ESF1: variants seen among roughly 807,000 people sequenced by gnomAD.
The protein encoded by ESF1 is ESF1 nucleolar pre-rRNA processing protein.
A neutral mutation model predicts 92.0 loss-of-function variants in ESF1; 58 were observed. The observed-to-expected ratio is 0.63, with a 90% CI of 0.51 to 0.78. The LOEUF is 0.78. Among genes scored for constraint, ESF1 ranks in the 30% least tolerant of loss-of-function variants. The pLI is 0.00. For missense variants in ESF1, 922 were observed against 989.1 expected (o/e 0.93, Z 0.91); for synonymous variants, 321 against 313.7 (o/e 1.02, Z -0.24).
chr20:13,765,658 G>A (rs1979396112), intron 8 of ESF1, among the ~76,000 whole-genome samples: 1 of 152,294 alleles, frequency 6.6e-6, no homozygotes, highest in South Asian at 2.1e-4. Flanking sequence ...CCAGGGAAAT[G>A]GTCAATCTGA....
intron 8 of ESF1, chr20:13,762,973 G>GAA: frequency 4.1e-6 from 1 of 241,154 alleles, no homozygotes; most frequent in South Asian, 3.9e-5. Context: ...CCATTCTCCT[G>GAA]CCTCAGCCTC....
At chr20:13,755,279 G>A (rs2147756766) in intron 9 of ESF1, among the ~76,000 whole-genome samples, 1 of 152,154 alleles carries the variant, frequency 6.6e-6, no homozygotes, top group Non-Finnish European at 1.5e-5. Flanking sequence ...AGAAAAACAG[G>A]ACTTTTACCA....
intron 4 of ESF1, among the ~76,000 whole-genome samples, chr20:13,773,870 C>T (rs557880922): frequency 4.7e-4 from 72 of 152,090 alleles, no homozygotes; most frequent in African/African-American, 1.4e-3. Flanking sequence ...CCGAGGCGGG[C>T]GGATCATGAG....
intron 9 of ESF1, among the ~76,000 whole-genome samples, chr20:13,739,697 G>GA (rs1392477286): frequency 7.0e-6 from 1 of 142,268 alleles, no homozygotes; most frequent in Non-Finnish European, 1.5e-5. Context: ...GAATTTCTTG[G>GA]AATCCAGTCA....
intron 9 of ESF1, among the ~76,000 whole-genome samples, chr20:13,741,946 T>G (rs926126617): frequency 6.6e-6 from 1 of 151,790 alleles, no homozygotes; most frequent in Admixed American, 6.6e-5. Flanking sequence ...AACAGAAAAA[T>G]GGCCAAAAAA....
At chr20:13,727,718 G>A (rs191864659) in intron 11 of ESF1, among the ~76,000 whole-genome samples, 14 of 152,296 alleles carry the variant, frequency 9.2e-5, no homozygotes, top group Admixed American at 7.2e-4. Flanking sequence ...TAGTGCATAT[G>A]AGGTGGAAAC....
chr20:13,753,362 G>A (rs1457017963), intron 9 of ESF1, among the ~76,000 whole-genome samples: 4 of 149,750 alleles, frequency 2.7e-5, no homozygotes, highest in African/African-American at 7.4e-5. Flanking sequence ...CTGTCCCTGC[G>A]ACTCACTGCC....
intron 10 of ESF1, 96 bp downstream of exon 10, chr20:13,733,625 G>A (rs1274530471): frequency 3.9e-6 from 5 of 1,286,058 alleles, no homozygotes; most frequent in African/African-American, 1.5e-5. Flanking sequence ...ACTTCAGTGA[G>A]TGGTTACATT....
intron 2 of ESF1, among the ~76,000 whole-genome samples, chr20:13,779,538 C>G (rs963511416): frequency 1.3e-4 from 20 of 152,080 alleles, no homozygotes; most frequent in African/African-American, 4.8e-4. Context: ...ATTTTAATTT[C>G]TATTTTCATT....
At chr20:13,747,000 A>T (rs2050053871) in intron 9 of ESF1, among the ~76,000 whole-genome samples, 1 of 152,180 alleles carries the variant, frequency 6.6e-6, no homozygotes, top group Admixed American at 6.5e-5. Flanking sequence ...CAATGTTTGT[A>T]CAGCAAGATA....
chr20:13,716,804 A>ATTGTTTTTTTTTT (rs2049829967), intron 13 of ESF1, among the ~76,000 whole-genome samples: 1 of 45,918 alleles, frequency 2.2e-5, no homozygotes, highest in Non-Finnish European at 4.0e-5. Flanking sequence ...CTATACCTGG[A>ATTGTTTTTTTTTT]TTTTTTTTTT....
At chr20:13,765,634 A>G (rs1006316712) in intron 8 of ESF1, among the ~76,000 whole-genome samples, 1 of 152,230 alleles carries the variant, frequency 6.6e-6, no homozygotes, top group African/African-American at 2.4e-5. Context: ...GCAGCCACCC[A>G]GAGGGATATA....
At chr20:13,730,159 G>A (rs1280335185) in intron 10 of ESF1, among the ~76,000 whole-genome samples, 1 of 151,620 alleles carries the variant, frequency 6.6e-6, no homozygotes, top group East Asian at 2.0e-4. Context: ...TGCAACCTCT[G>A]ACTCCCAGGT....
chr20:13,753,977 C>T (rs549873014), intron 9 of ESF1, among the ~76,000 whole-genome samples: 2 of 152,266 alleles, frequency 1.3e-5, no homozygotes, highest in African/African-American at 4.8e-5. Flanking sequence ...AAAGTGGCAA[C>T]GTGCTTATAA....
At chr20:13,784,303 A>G (rs868053373) in intron 1 of ESF1, among the ~76,000 whole-genome samples, 1 of 133,116 alleles carries the variant, frequency 7.5e-6, no homozygotes, top group Non-Finnish European at 1.6e-5. Context: ...CAAAATGATT[A>G]AAAGGGCAAT....
chr20:13,782,403 T>A, intron 2 of ESF1, 101 bp downstream of exon 2: 2 of 1,019,586 alleles, frequency 2.0e-6, no homozygotes, highest in Non-Finnish European at 2.7e-6. Context: ...GACCATTCCA[T>A]AATACTATGA....
chr20:13,756,926 C>T (rs893748027), intron 9 of ESF1, among the ~76,000 whole-genome samples: 1 of 151,950 alleles, frequency 6.6e-6, no homozygotes, highest in Non-Finnish European at 1.5e-5. Context: ...CTTGGCTGCT[C>T]ATGAAAATGA....
chr20:13,736,491 C>G (rs189179001), intron 9 of ESF1, among the ~76,000 whole-genome samples: 88 of 152,216 alleles, frequency 5.8e-4, no homozygotes, highest in Admixed American at 9.8e-4. Context: ...TCTAACTAGA[C>G]CAAAAGCAGC....
At position 13,772,505 on chromosome 20, in the gene ESF1, G is replaced by A. The variant is rs374363790; in HGVS notation, c.1250+10C>T. ...GAGGTTTAGTTTTATGTTCTATAGT[G>A]ATTTAATACCAGTCTTTTTCTGGGG... On this transcript the variant is annotated intron_variant, in intron 5 of 13. Coordinates refer to ENST00000617257, the MANE Select transcript of ESF1 (RefSeq NM_001276380.2). The A allele has an allele frequency of 6.4e-7, 1 of 1,567,070 alleles. No homozygotes were observed. The highest frequency in any genetic ancestry group is 8.8e-7 in the Non-Finnish European group (1 of 1,138,468).
Sources: allele counts gnomAD v4.1 joint callset (sites outside exome capture counted in the v4.1 genomes callset), GRCh38; gene constraint gnomAD v4.1.1; transcripts MANE v1.5; gene names NCBI Gene and HGNC (gene_info 2026-07-23, HGNC 2026-07-21).